Variants in PLCB1 observed in about 807,000 individuals in gnomAD.
PLCB1 encodes 1-phosphatidylinositol 4,5-bisphosphate phosphodiesterase beta-1.
Under a neutral mutation model 161.8 loss-of-function variants are expected in PLCB1, and 46 were observed. That is an observed-to-expected ratio of 0.28 (90% confidence interval 0.22 to 0.36). The LOEUF is 0.36. PLCB1 is among the 10% of genes least tolerant of loss of function. The pLI, the probability that PLCB1 is intolerant of heterozygous loss-of-function variation, is 1.00. For missense variants in PLCB1, 1,016 were observed against 1,472.5 expected, an observed-to-expected ratio of 0.69 and a Z score of 5.07; for synonymous variants, 517 against 503.7, an observed-to-expected ratio of 1.03 and a Z score of -0.35.
intron 2 of PLCB1, among the ~76,000 whole-genome samples, chr20:8,218,673 G>A (rs756375867): frequency 2.6e-5 from 4 of 151,736 alleles, no homozygotes; most frequent in Non-Finnish European, 5.9e-5. Context: ...AATCTAGTAT[G>A]TAAAAGGCAA....
chr20:8,497,556 G>T (rs1405214497), intron 3 of PLCB1, among the ~76,000 whole-genome samples: 2 of 152,128 alleles, frequency 1.3e-5, no homozygotes, highest in Non-Finnish European at 2.9e-5. Context: ...GCTCATAACA[G>T]TTACAAGCTA....
chr20:8,634,664 T>C (rs1988705566), intron 4 of PLCB1, among the ~76,000 whole-genome samples: 1 of 152,238 alleles, frequency 6.6e-6, no homozygotes, highest in African/African-American at 2.4e-5. Flanking sequence ...AACAAACTCA[T>C]TCCTGATCAT....
intron 3 of PLCB1, among the ~76,000 whole-genome samples, chr20:8,382,109 T>C (rs1987272513): frequency 1.3e-5 from 2 of 152,154 alleles, no homozygotes; most frequent in South Asian, 4.1e-4. Context: ...AAGTTCCCTC[T>C]TAACACTGCT....
At chr20:8,736,301 G>A (rs1461003260) in intron 19 of PLCB1, among the ~76,000 whole-genome samples, 5 of 152,092 alleles carry the variant, frequency 3.3e-5, no homozygotes, top group South Asian at 2.1e-4. Context: ...TTATAAATAC[G>A]TAATATTAAA....
intron 3 of PLCB1, among the ~76,000 whole-genome samples, chr20:8,485,888 A>G (rs1982702224): frequency 6.6e-6 from 1 of 152,176 alleles, no homozygotes; most frequent in South Asian, 2.1e-4. Flanking sequence ...GTCTGTTCTC[A>G]CGCTGCTATA....
intron 9 of PLCB1, among the ~76,000 whole-genome samples, chr20:8,661,200 C>G (rs1175354238): frequency 6.6e-6 from 1 of 152,120 alleles, no homozygotes; most frequent in African/African-American, 2.4e-5. Flanking sequence ...TTCCCCAGCA[C>G]CTAGAAGATG....
chr20:8,806,506 A>G (rs1285441634), intron 31 of PLCB1, among the ~76,000 whole-genome samples: 2 of 151,968 alleles, frequency 1.3e-5, no homozygotes, highest in African/African-American at 4.8e-5. Flanking sequence ...TTCGGCTTAT[A>G]CATGTCAATG....
chr20:8,162,165 A>C (rs1340355811), intron 2 of PLCB1, among the ~76,000 whole-genome samples: 2 of 152,182 alleles, frequency 1.3e-5, no homozygotes, highest in African/African-American at 4.8e-5. Context: ...TACAGGTATT[A>C]GCTGTTTGTT....
chr20:8,199,402 TA>T (rs2052065495), intron 2 of PLCB1, among the ~76,000 whole-genome samples: 1 of 152,140 alleles, frequency 6.6e-6, no homozygotes, highest in African/African-American at 2.4e-5. Context: ...TCTCTCAGAA[TA>T]AAACTGCTCC....
At chr20:8,576,560 C>T (rs1986678610) in intron 3 of PLCB1, among the ~76,000 whole-genome samples, 1 of 152,106 alleles carries the variant, frequency 6.6e-6, no homozygotes, top group South Asian at 2.1e-4. Context: ...CACATAGTCT[C>T]TCTTTATATA....
At chr20:8,658,751 G>C (rs1376442972) in intron 9 of PLCB1, 47 bp downstream of exon 9, 3 of 1,503,512 alleles carry the variant, frequency 2.0e-6, no homozygotes, top group East Asian at 2.4e-5. Context: ...TTTCTGATTG[G>C]GGGTAGTCAC....
At chr20:8,190,327 T>C (rs2051954819) in intron 2 of PLCB1, among the ~76,000 whole-genome samples, 1 of 152,136 alleles carries the variant, frequency 6.6e-6, no homozygotes, top group Non-Finnish European at 1.5e-5. Flanking sequence ...CTTTTTGTAC[T>C]TGCTATTGAA....
chr20:8,700,415 T>C (rs759351160), intron 11 of PLCB1, among the ~76,000 whole-genome samples: 16 of 152,254 alleles, frequency 1.1e-4, no homozygotes, highest in Admixed American at 2.0e-4. Context: ...CTGCCTGCCA[T>C]TGAGTCAACT....
chr20:8,430,895 C>CA lies in PLCB1; in HGVS notation c.246+59446dup, dbSNP rs567724777. Among the ~76,000 whole-genome samples, 91 of 152,110 alleles carry CA rather than the reference C, an allele frequency of 6.0e-4. 1 individual carries two copies. The highest frequency in any genetic ancestry group is 2.0e-3 in the African/African-American group (81 of 41,496). ...CTCTCTTGAGCCCAGAAGTAGGAGA[C>CA]AGCAGTGAGCTATGATCACACCACT... On this transcript the variant is annotated intron_variant, in intron 3 of 31. Coordinates refer to ENST00000338037, the MANE Select transcript of PLCB1 (RefSeq NM_015192.4).
At chr20:8,639,871 T>C (rs1028373026) in intron 4 of PLCB1, among the ~76,000 whole-genome samples, 2 of 149,530 alleles carry the variant, frequency 1.3e-5, no homozygotes, top group African/African-American at 4.9e-5. Context: ...TATCAATATT[T>C]TACTTTTAAA....
rs4633993 is a variant in PLCB1, at chr20:8,789,461, A to C, written c.3279-57A>C. On this transcript the variant is annotated intron_variant, in intron 29 of 31. Transcript: ENST00000338037. Reference sequence around the variant, plus strand: ...ACCTTTTATCTAGAAGTCTGAGATTACCATTTGTCAATTCTGGATGAATTG... The same window carrying C: ...ACCTTTTATCTAGAAGTCTGAGATTCCCATTTGTCAATTCTGGATGAATTG... 1,035,359 of 1,092,314 alleles carry C rather than the reference A, an allele frequency of 0.95. 492,430 individuals are homozygous for C. The highest frequency in any genetic ancestry group is 1 in the East Asian group (42,541 of 42,570). 67.7% of individuals were successfully genotyped at this position (1,092,314 alleles called of 1,614,324 possible).
At chr20:8,283,558 A>T (rs924543003) in intron 2 of PLCB1, among the ~76,000 whole-genome samples, 1 of 132,560 alleles carries the variant, frequency 7.5e-6, no homozygotes, top group Non-Finnish European at 1.6e-5. Flanking sequence ...ATAAATAAAT[A>T]AAATAAATCA....
chr20:8,744,089 C>A (rs1037877708), intron 23 of PLCB1, among the ~76,000 whole-genome samples: 2 of 151,918 alleles, frequency 1.3e-5, no homozygotes, highest in African/African-American at 4.8e-5. Flanking sequence ...ACCTGAGTGG[C>A]AAAGTTATCT....
chr20:8,291,606 C>A (rs568325397), intron 2 of PLCB1, among the ~76,000 whole-genome samples: 2 of 152,264 alleles, frequency 1.3e-5, no homozygotes, highest in South Asian at 4.1e-4. Flanking sequence ...AATGTACATT[C>A]AACTTCTTGT....
Sources: gnomAD v4.1 joint callset for allele counts (sites outside exome capture counted in the v4.1 genomes callset) on GRCh38, gnomAD v4.1.1 for gene constraint, MANE v1.5 for transcripts, NCBI Gene and HGNC (gene_info 2026-07-23, HGNC 2026-07-21) for gene names.